The following MEIS2 variants were observed in gnomAD, a reference collection of about 807,000 sequenced individuals.
MEIS2 encodes homeobox protein Meis2.
MEIS2 carries 9 observed loss-of-function variants against 58.6 expected under a neutral mutation model. The observed-to-expected ratio is 0.15, with a 90% CI of 0.09 to 0.27. The LOEUF (loss-of-function observed/expected upper bound fraction) is 0.27, where lower values mean the gene tolerates loss of function less well. Among genes scored for constraint, MEIS2 ranks in the 10% least tolerant of loss-of-function variants. The pLI is 1.00. For synonymous variants in MEIS2, 221 were observed against 228.4 expected (o/e 0.97, Z 0.29); for missense variants, 427 against 635.0 (o/e 0.67, Z 3.52).
intron 8 of MEIS2, among the ~76,000 whole-genome samples, chr15:36,970,906 A>G (rs1324783854): frequency 6.6e-6 from 1 of 152,226 alleles, no homozygotes; most frequent in African/African-American, 2.4e-5. Context: ...ATGTGTTAAT[A>G]CAACTGCAGT....
chr15:37,000,185 T>C (rs1418791460), intron 8 of MEIS2, among the ~76,000 whole-genome samples: 1 of 152,208 alleles, frequency 6.6e-6, no homozygotes, highest in East Asian at 1.9e-4. Flanking sequence ...AATCAATTAA[T>C]AGGACCTATG....
At chr15:36,991,240 A>G (rs1217531315) in intron 8 of MEIS2, among the ~76,000 whole-genome samples, 2 of 124,414 alleles carry the variant, frequency 1.6e-5, no homozygotes, top group African/African-American at 6.1e-5. Context: ...TGTAAAATCA[A>G]TGAGATTTTT....
chr15:37,013,070 T>C (rs920587850), intron 8 of MEIS2, among the ~76,000 whole-genome samples: 2 of 152,158 alleles, frequency 1.3e-5, no homozygotes, highest in African/African-American at 4.8e-5. Context: ...TTGATTCTTC[T>C]TCCCTAGGAC....
At chr15:36,994,324 A>T (rs1206459488) in intron 8 of MEIS2, among the ~76,000 whole-genome samples, 1 of 152,158 alleles carries the variant, frequency 6.6e-6, no homozygotes, top group Non-Finnish European at 1.5e-5. Flanking sequence ...CCATATACCT[A>T]ATTTCAAAAG....
chr15:36,892,230 C>T lies in MEIS2; in HGVS notation c.1377G>A (p.Met459Ile). 1 of 1,614,086 alleles carries T rather than the reference C, an allele frequency of 6.2e-7. No individual in the cohort carries two copies. Among genetic ancestry groups the T allele is most frequent in the Non-Finnish European group, 8.5e-7 (1 of 1,180,026 alleles). Reference sequence around the variant, plus strand: ...CAACATTGGGATCTACAGAATTTAACATTGTGGGGCTCTGTGCTGACATAG... The same window carrying T: ...CAACATTGGGATCTACAGAATTTAATATTGTGGGGCTCTGTGCTGACATAG... Reference protein sequence around the residue: ...GMTMSAQSPTMLNSVDPNVGG... With the variant: ...GMTMSAQSPTILNSVDPNVGG... The change falls in exon 12 of 12, where the codon ATG becomes ATA. Residue 459 changes from methionine (M) to isoleucine (I), a missense_variant. Transcript: ENST00000561208.
intron 7 of MEIS2, among the ~76,000 whole-genome samples, chr15:37,049,766 C>T (rs981356085): frequency 1.3e-5 from 2 of 148,906 alleles, no homozygotes; most frequent in South Asian, 2.1e-4. Context: ...GGATTACAGG[C>T]GTGAGCCACC....
Position 36,892,376 on chromosome 15 carries a change from G to T in MEIS2, c.1231C>A (p.Gln411Lys). 1.9e-6 allele frequency: 3 copies of T among 1,613,996 alleles called. No homozygotes were observed. Among genetic ancestry groups the T allele is most frequent in the Non-Finnish European group, 8.5e-7 (1 of 1,179,968 alleles). ...SMAQPSYTPP[Q>K]MTPHPTQLRH... ...AATTGAGTAGGGTGTGGGGTCATCT[G>T]GGGAGGAGTGTAACTTGGCTGTGCC... is the stretch of plus-strand genomic sequence containing the variant. Residue 411 changes from glutamine to lysine, a missense_variant, in exon 12 of 12, where the codon CAG becomes AAG. Physicochemically the swap from Gln to Lys is moderately conservative, Grantham distance 53. Transcript: ENST00000561208.
chr15:37,028,561 A>T (rs1406706778), intron 8 of MEIS2, among the ~76,000 whole-genome samples: 2 of 152,220 alleles, frequency 1.3e-5, no homozygotes, highest in East Asian at 3.8e-4. Context: ...TTAATTTGAG[A>T]AATTGTAAAA....
At chr15:36,920,476 T>A (rs909803879) in intron 9 of MEIS2, among the ~76,000 whole-genome samples, 1 of 152,220 alleles carries the variant, frequency 6.6e-6, no homozygotes, top group Non-Finnish European at 1.5e-5. Context: ...CACCTTTTTC[T>A]TTTTATAAAA....
At chr15:36,929,913 T>C (rs1951486996) in intron 9 of MEIS2, among the ~76,000 whole-genome samples, 8 of 152,056 alleles carry the variant, frequency 5.3e-5, no homozygotes, top group Admixed American at 5.2e-4. Context: ...TTAAAAGTTA[T>C]CCACAGAGGC....
At chr15:36,981,293 G>A (rs2059920960) in intron 8 of MEIS2, among the ~76,000 whole-genome samples, 4 of 151,874 alleles carry the variant, frequency 2.6e-5, no homozygotes, top group Admixed American at 2.6e-4. Flanking sequence ...TCATTGTTTT[G>A]AGTAGTTTTT....
At chr15:37,097,856 C>T in intron 2 of MEIS2, 111 bp downstream of exon 2, 1 of 1,414,626 alleles carries the variant, frequency 7.1e-7, no homozygotes, top group East Asian at 2.6e-5. Context: ...GCCCGCCCCC[C>T]ACCATACAGA....
At chr15:36,907,853 A>G (rs1479338100) in intron 9 of MEIS2, among the ~76,000 whole-genome samples, 2 of 152,156 alleles carry the variant, frequency 1.3e-5, no homozygotes, top group African/African-American at 4.8e-5. Flanking sequence ...ATAAATATGC[A>G]TACGTATATT....
chr15:37,033,933 G>A (rs2062038035), intron 8 of MEIS2, among the ~76,000 whole-genome samples: 1 of 152,030 alleles, frequency 6.6e-6, no homozygotes, highest in South Asian at 2.1e-4. Context: ...GGATGAAGAA[G>A]GAAAACATTT....
chr15:37,006,669 G>A (rs1056974080), intron 8 of MEIS2, among the ~76,000 whole-genome samples: 1 of 152,152 alleles, frequency 6.6e-6, no homozygotes, highest in Non-Finnish European at 1.5e-5. Context: ...TACAACTGAC[G>A]TAGCTCACTA....
chr15:36,895,013 A>G, intron 11 of MEIS2, 138 bp downstream of exon 11: 1 of 913,850 alleles, frequency 1.1e-6, no homozygotes, highest in Non-Finnish European at 1.7e-6. Flanking sequence ...CCCCCACCCA[A>G]TGTAAAGAAA....
intron 8 of MEIS2, among the ~76,000 whole-genome samples, chr15:36,953,434 G>A (rs1387626439): frequency 6.6e-6 from 1 of 152,154 alleles, no homozygotes; most frequent in Non-Finnish European, 1.5e-5. Flanking sequence ...ATAATTTGTT[G>A]TCAGTTTCCA....
At chr15:36,926,252 T>C (rs1021789681) in intron 9 of MEIS2, among the ~76,000 whole-genome samples, 5 of 152,126 alleles carry the variant, frequency 3.3e-5, no homozygotes, top group Non-Finnish European at 1.5e-5. Flanking sequence ...GACTTATTTT[T>C]GTACATTATG....
chr15:36,913,219 C>T (rs188334490), intron 9 of MEIS2, among the ~76,000 whole-genome samples: 463 of 152,292 alleles, frequency 3.0e-3, no homozygotes, highest in African/African-American at 0.011. Context: ...AGAGTGGATG[C>T]TCAATAAATG....
Sources: gnomAD v4.1 joint callset for allele counts (sites outside exome capture counted in the v4.1 genomes callset) on GRCh38, gnomAD v4.1.1 for gene constraint, MANE v1.5 for transcripts, NCBI Gene and HGNC (gene_info 2026-07-23, HGNC 2026-07-21) for gene names.